Variants in PFKL observed in about 807,000 individuals in gnomAD.
The protein encoded by PFKL is phosphofructokinase, liver type, also known as ATP-dependent 6-phosphofructokinase, liver type.
A neutral mutation model predicts 92.1 loss-of-function variants in PFKL; 74 were observed. The observed-to-expected ratio is 0.80, with a 90% CI of 0.67 to 0.97. The LOEUF (loss-of-function observed/expected upper bound fraction) is 0.97, where lower values mean the gene tolerates loss of function less well. Ranked by LOEUF, PFKL falls within the 50% of genes least tolerant of loss-of-function variation. The pLI, the probability that PFKL is intolerant of heterozygous loss-of-function variation, is 0.00. For synonymous variants in PFKL, 494 were observed against 456.4 expected (o/e 1.08, Z -1.05); for missense variants, 1,028 against 1,116.6 (o/e 0.92, Z 1.13).
At chr21:44,323,939 G>A (rs743481) in intron 16 of PFKL, 21 bp downstream of exon 16, 8 of 1,612,534 alleles carry the variant, frequency 5.0e-6, no homozygotes, top group African/African-American at 4.0e-5. Flanking sequence ...CCTGGACACC[G>A]GCCTGCCATG....
In PFKL at chr21:44,326,162, G is replaced by A. The variant is rs532660507; in HGVS notation, c.2093G>A (p.Arg698Gln). The A allele has an allele frequency of 1.2e-5, 19 of 1,612,172 alleles. No individual in the cohort carries two copies. In the East Asian group the frequency reaches 2.2e-4, roughly 19 times the overall value. The change falls in exon 21 of 22, where the codon CGG becomes CAG. Residue 698 changes from arginine (R) to glutamine (Q), a missense_variant. Arg to Gln is a conservative substitution (Grantham distance 43). Transcript: ENST00000349048. ...EKLREVYRKGRVFANAPDSAC... is the reference protein window; with the variant it reads ...EKLREVYRKGQVFANAPDSAC... Reference sequence around the variant, plus strand: ...TGCCACGTGCCTCTGTTTGCAGGACGGGTGTTCGCCAATGCCCCAGACTCG... The same window carrying A: ...TGCCACGTGCCTCTGTTTGCAGGACAGGTGTTCGCCAATGCCCCAGACTCG...
intron 11 of PFKL, 62 bp from the exon 12 acceptor site, chr21:44,320,022 C>A: frequency 6.8e-7 from 1 of 1,471,016 alleles, no homozygotes; most frequent in Non-Finnish European, 9.5e-7. Context: ...GTCACGGCTG[C>A]GCTGTGGCTG....
chr21:44,302,259 G>A (rs1336941211), intron 1 of PFKL, among the ~76,000 whole-genome samples: 1 of 152,266 alleles, frequency 6.6e-6, no homozygotes, highest in African/African-American at 2.4e-5. Flanking sequence ...TGCAGCTGCA[G>A]CGTCTCTGTA....
At chr21:44,305,252 T>C (rs1191858717) in intron 1 of PFKL, 4 of 1,317,578 alleles carry the variant, frequency 3.0e-6, no homozygotes, top group Non-Finnish European at 4.0e-6. Context: ...CTGGGGTTTC[T>C]CAAGGCGTGG....
intron 1 of PFKL, chr21:44,304,531 G>A: frequency 4.4e-6 from 5 of 1,140,030 alleles, no homozygotes; most frequent in Non-Finnish European, 5.4e-6. Flanking sequence ...TCGGCCAGCT[G>A]TGGCTGAGTG....
intron 1 of PFKL, chr21:44,305,271 C>T: frequency 1.5e-6 from 2 of 1,343,898 alleles, no homozygotes; most frequent in Non-Finnish European, 2.0e-6. Flanking sequence ...GGCACCTCAC[C>T]TCACACCTGC....
Position 44,326,032 on chromosome 21 carries a change from G to A in PFKL, c.2061G>A (p.Ser687=), listed in dbSNP as rs1488937454. The part of the protein sequence containing the change: ...KLGVKAMLWL[S]EKLREVYRKG... ...GGGTGAAGGCCATGCTGTGGTTGTC[G>A]GAGAAGCTGCGCGAGGTTTACCGCA... is the stretch of plus-strand genomic sequence containing the variant. Residue 687 remains serine, a synonymous_variant, in exon 20 of 22, where the codon TCG becomes TCA. Coordinates refer to ENST00000349048, the MANE Select transcript of PFKL (RefSeq NM_002626.6). The A allele has an allele frequency of 1.1e-5, 17 of 1,613,860 alleles. No homozygotes were observed. The highest frequency in any genetic ancestry group is 2.2e-5 in the South Asian group (2 of 91,088).
intron 3 of PFKL, 94 bp from the exon 4 acceptor site, chr21:44,312,011 C>T: frequency 9.6e-7 from 1 of 1,047,036 alleles, no homozygotes. Context: ...GTCTGCCAGC[C>T]CCTTGCTGCC....
intron 1 of PFKL, chr21:44,305,436 T>G: frequency 6.5e-6 from 8 of 1,227,714 alleles, no homozygotes; most frequent in Non-Finnish European, 8.8e-6. Context: ...CTCCAGCCTC[T>G]GCAAGTACAG....
At position 44,300,143 on chromosome 21, in the gene PFKL, G is replaced by T; in HGVS notation, c.38G>T (p.Gly13Val). Residue 13 changes from glycine to valine, a missense_variant, in exon 1 of 22, where the codon GGC (glycine) becomes GTC (valine). Coordinates refer to ENST00000349048, the MANE Select transcript of PFKL (RefSeq NM_002626.6). ...GACCTGGAGAAGCTGCGGGCGTCGG[G>T]CGCGGGCAAGGCCATCGGCGTCCTG... Reference protein sequence around the residue: ...AVDLEKLRASGAGKAIGVLTS... With the variant: ...AVDLEKLRASVAGKAIGVLTS... 8.4e-7 allele frequency: 1 copy of T among 1,196,524 alleles called. No individual in the cohort carries two copies. Among genetic ancestry groups the T allele is most frequent in the Non-Finnish European group, 1.1e-6 (1 of 948,646 alleles). The allele number at this position is 1,196,524 out of a possible 1,614,324, so 74.1% of individuals were successfully genotyped here. A position where few individuals can be genotyped will look rare whatever the true frequency, so the allele number is the denominator to read the frequency against.
In PFKL at chr21:44,300,112, G is replaced by A. The variant is rs1477166251; in HGVS notation, c.7G>A (p.Ala3Thr). Reference sequence around the variant, plus strand: ...CCGTGTTTCGGCCGCCGCCATGGCCGCGGTGGACCTGGAGAAGCTGCGGGC... The same window carrying A: ...CCGTGTTTCGGCCGCCGCCATGGCCACGGTGGACCTGGAGAAGCTGCGGGC... MA[A>T]VDLEKLRASG... Residue 3 changes from alanine to threonine, a missense_variant, in exon 1 of 22, where the codon GCG becomes ACG. Coordinates refer to ENST00000349048, the MANE Select transcript of PFKL (RefSeq NM_002626.6). The A allele has an allele frequency of 8.6e-7, 1 of 1,164,222 alleles. No homozygotes were observed. Among genetic ancestry groups the A allele is most frequent in the Middle Eastern group, 3.7e-4 (1 of 2,688 alleles). 72.1% of individuals were successfully genotyped at this position (1,164,222 alleles called of 1,614,324 possible).
At chr21:44,325,466 G>A in intron 19 of PFKL, 1 of 590,512 alleles carries the variant, frequency 1.7e-6, no homozygotes. Flanking sequence ...GCTGGGGCTG[G>A]AGCCGGGGCC....
In PFKL at chr21:44,316,463, G is replaced by T. The variant is rs1414808336; in HGVS notation, c.875G>T (p.Arg292Leu). The T allele has an allele frequency of 1.9e-6, 3 of 1,611,446 alleles. No individual in the cohort carries two copies. ...LVVQRLGFDTRVTVLGHVQRG... is the reference protein window; with the variant it reads ...LVVQRLGFDTLVTVLGHVQRG... ...GTTCAGAGGCTGGGCTTCGACACCC[G>T]TGTAACTGTGCTGGGCCACGTGCAG... is the stretch of plus-strand genomic sequence containing the variant. Residue 292 changes from arginine (R) to leucine (L), a missense_variant, in exon 9 of 22, where the codon CGT (arginine) becomes CTT (leucine). By Grantham distance (102) the Arg-to-Leu change is moderately radical. Transcript: ENST00000349048.
intron 10 of PFKL, 46 bp downstream of exon 10, chr21:44,318,641 C>G: frequency 7.1e-7 from 1 of 1,411,070 alleles, no homozygotes; most frequent in Non-Finnish European, 9.4e-7. Context: ...CCCCTCTCCC[C>G]AGTCCCCACT....
At chr21:44,306,433 T>A (rs573045719) in intron 1 of PFKL, among the ~76,000 whole-genome samples, 1 of 152,160 alleles carries the variant, frequency 6.6e-6, no homozygotes, top group African/African-American at 2.4e-5. Flanking sequence ...GCCTGGTGCC[T>A]CCTGAGATGG....
chr21:44,311,020 C>T lies in PFKL; in HGVS notation c.174C>T (p.Leu58=), dbSNP rs773646814. The T allele has an allele frequency of 1.1e-5, 17 of 1,612,652 alleles. No homozygotes were observed. The highest frequency in any genetic ancestry group is 1.3e-5 in the Non-Finnish European group (15 of 1,179,384). ...CTTGATTTCAGGGCTATGAGGGCCT[C>T]GTGGAGGGAGGTGAGAACATCAAGC... The part of the protein sequence containing the change: ...VFLIYEGYEG[L]VEGGENIKQA... The change falls in exon 3 of 22, where the codon CTC becomes CTT. Residue 58 remains leucine (L), a synonymous_variant. Transcript: ENST00000349048.
At chr21:44,306,595 C>T in intron 1 of PFKL, 86 bp from the exon 2 acceptor site, 1 of 1,238,784 alleles carries the variant, frequency 8.1e-7, no homozygotes. Flanking sequence ...CCAGGCCTCC[C>T]CTACCCCCTG....
chr21:44,318,724 G>A (rs1821281448), intron 10 of PFKL, 129 bp downstream of exon 10: 7 of 706,552 alleles, frequency 9.9e-6, no homozygotes, highest in African/African-American at 1.8e-5. Context: ...GCTGGCCCAG[G>A]GCATCCCAGG....
At position 44,326,762 on chromosome 21, in the gene PFKL, T is replaced by C. The variant is rs755946329; in HGVS notation, c.2243T>C (p.Leu748Pro). The C allele has an allele frequency of 6.2e-7, 1 of 1,611,496 alleles. No individual in the cohort carries two copies. Among genetic ancestry groups the C allele is most frequent in the Admixed American group, 1.7e-5 (1 of 59,916 alleles). ...TGGTGGCTGAGCCTGCGGCTCATGC[T>C]GAAGATGCTGGCACAATACCGCATC... Reference protein sequence around the residue: ...EQWWLSLRLMLKMLAQYRISM... With the variant: ...EQWWLSLRLMPKMLAQYRISM... Residue 748 changes from leucine to proline, a missense_variant, in exon 22 of 22, where the codon CTG becomes CCG. Physicochemically the swap from Leu to Pro is moderately conservative, Grantham distance 98 (BLOSUM62 -3). Transcript: ENST00000349048.
Sources: gnomAD v4.1 joint callset for allele counts (sites outside exome capture counted in the v4.1 genomes callset) on GRCh38, gnomAD v4.1.1 for gene constraint, MANE v1.5 for transcripts, NCBI Gene and HGNC (gene_info 2026-07-23, HGNC 2026-07-21) for gene names.